GPHN: variants seen among roughly 807,000 people sequenced by gnomAD.
The protein encoded by GPHN is gephyrin.
In GPHN, 17 loss-of-function variants were observed where a neutral mutation model predicts 95.5. That is an observed-to-expected ratio of 0.18 (90% CI 0.12 to 0.27). The LOEUF is 0.27. GPHN is among the 10% of genes least tolerant of loss of function. GPHN has a pLI of 1.00. For missense variants in GPHN, 660 were observed against 978.1 expected (o/e 0.67, Z 4.34); for synonymous variants, 320 against 322.5 (o/e 0.99, Z 0.08).
At chr14:67,392,786 G>T in the GPHN span, 1 of 1,613,728 alleles carries the variant, frequency 6.2e-7, no homozygotes, top group Non-Finnish European at 8.5e-7. Flanking sequence ...GGAGGCCAGG[G>T]TCACCGCCTC....
intron 17 of GPHN, among the ~76,000 whole-genome samples, chr14:67,131,588 C>CA (rs1375676300): frequency 3.3e-5 from 5 of 152,070 alleles, no homozygotes; most frequent in Non-Finnish European, 4.4e-5. Flanking sequence ...GACACATCCC[C>CA]AAAAAATGTA....
At chr14:67,392,968 G>A in the GPHN span, 7 of 905,130 alleles carry the variant, frequency 7.7e-6, no homozygotes, top group Admixed American at 2.3e-5. Context: ...CGCAAGAGCA[G>A]ACTGAAGGCC....
chr14:67,053,218 T>C (rs2153644939), intron 10 of GPHN, among the ~76,000 whole-genome samples: 1 of 140,370 alleles, frequency 7.1e-6, no homozygotes, highest in Admixed American at 7.2e-5. Context: ...AATAGACTAC[T>C]AGCTAGACTA....
chr14:67,168,718 A>G (rs559557924), intron 20 of GPHN, among the ~76,000 whole-genome samples: 45 of 152,280 alleles, frequency 3.0e-4, no homozygotes, highest in Middle Eastern at 3.4e-3. Flanking sequence ...GGGCAGCAGA[A>G]TTCTCCATTT....
At chr14:66,665,398 T>C (rs1379772293) in intron 1 of GPHN, among the ~76,000 whole-genome samples, 1 of 152,084 alleles carries the variant, frequency 6.6e-6, no homozygotes, top group Non-Finnish European at 1.5e-5. Context: ...CAAACAAATT[T>C]ACAAGAAGAA....
the GPHN span, chr14:67,383,305 G>A: frequency 6.2e-7 from 1 of 1,612,386 alleles, no homozygotes; most frequent in Non-Finnish European, 8.5e-7. Flanking sequence ...TTATACCTCT[G>A]CTTCCACAGC....
At chr14:67,386,864 A>T in the GPHN span, 2 of 152,822 alleles carry the variant, frequency 1.3e-5, no homozygotes, top group African/African-American at 4.8e-5. Flanking sequence ...AAGATGAACT[A>T]TGTCTTAATG....
chr14:67,028,651 A>ATAG (rs1418895573), intron 10 of GPHN, among the ~76,000 whole-genome samples: 1 of 152,130 alleles, frequency 6.6e-6, no homozygotes, highest in Admixed American at 6.5e-5. Context: ...CCTATTGGCC[A>ATAG]TAGGTATGTC....
At chr14:66,679,791 A>G (rs1157708268) in intron 1 of GPHN, among the ~76,000 whole-genome samples, 1 of 152,180 alleles carries the variant, frequency 6.6e-6, no homozygotes, top group African/African-American at 2.4e-5. Context: ...AATTTTTAAA[A>G]TAGATTTTCA....
chr14:67,237,375 G>A, the GPHN span, among the ~76,000 whole-genome samples: 1 of 151,988 alleles, frequency 6.6e-6, no homozygotes, highest in Non-Finnish European at 1.5e-5. Flanking sequence ...AATAGCCTTA[G>A]TTAAGGCTAC....
At chr14:67,472,767 G>A in the GPHN span, 1 of 152,828 alleles carries the variant, frequency 6.5e-6, no homozygotes, top group Admixed American at 6.5e-5. Flanking sequence ...CACGGGGATT[G>A]AAACCTCCAA....
chr14:67,672,098 G>A, the GPHN span, among the ~76,000 whole-genome samples: 1 of 151,606 alleles, frequency 6.6e-6, no homozygotes, highest in East Asian at 1.9e-4. Context: ...AATTAATTCA[G>A]TGCCAGGTTG....
At chr14:67,138,725 A>G (rs2080256023) in intron 17 of GPHN, among the ~76,000 whole-genome samples, 1 of 152,022 alleles carries the variant, frequency 6.6e-6, no homozygotes, top group Non-Finnish European at 1.5e-5. Flanking sequence ...TGATGTGAAT[A>G]GGCCCTTAAG....
At chr14:67,292,614 G>A in the GPHN span, 1 of 1,613,642 alleles carries the variant, frequency 6.2e-7, no homozygotes, top group African/African-American at 1.3e-5. Context: ...TTCAAAATAA[G>A]GATTTCCAGA....
At chr14:67,381,293 A>G in the GPHN span, among the ~76,000 whole-genome samples, 9 of 152,190 alleles carry the variant, frequency 5.9e-5, no homozygotes, top group Admixed American at 6.5e-5. Context: ...GCACCCTTAT[A>G]TTATACATAC....
chr14:67,458,739 T>G, the GPHN span, among the ~76,000 whole-genome samples: 2 of 152,214 alleles, frequency 1.3e-5, no homozygotes, highest in African/African-American at 4.8e-5. Context: ...TGGTTTGGTT[T>G]GAGGCAGGGT....
At chr14:67,532,746 T>C in the GPHN span, among the ~76,000 whole-genome samples, 1 of 152,206 alleles carries the variant, frequency 6.6e-6, no homozygotes, top group Admixed American at 6.5e-5. Context: ...TCCTGCAAAT[T>C]GCAACTCAGA....
At chr14:67,207,572 A>G in the GPHN span, among the ~76,000 whole-genome samples, 1 of 152,150 alleles carries the variant, frequency 6.6e-6, no homozygotes, top group Non-Finnish European at 1.5e-5. Context: ...TGGACTAGGC[A>G]GGGGCAGTGG....
the GPHN span, among the ~76,000 whole-genome samples, chr14:67,591,642 C>T: frequency 3.9e-5 from 6 of 152,128 alleles, no homozygotes; most frequent in African/African-American, 7.2e-5. Context: ...AGCAATCCTC[C>T]CACCTCAGCT....
Sources: allele counts gnomAD v4.1 joint callset (sites outside exome capture counted in the v4.1 genomes callset), GRCh38; gene constraint gnomAD v4.1.1; transcripts MANE v1.5; gene names NCBI Gene and HGNC (gene_info 2026-07-23, HGNC 2026-07-21).